Variants in SLC35F3 observed in about 807,000 individuals in gnomAD.
SLC35F3 encodes putative thiamine transporter SLC35F3.
A neutral mutation model predicts 49.9 loss-of-function variants in SLC35F3; 25 were observed. That is an observed-to-expected ratio of 0.50 (90% CI 0.37 to 0.70). SLC35F3 has a LOEUF of 0.70. Ranked by LOEUF, SLC35F3 falls within the 30% of genes least tolerant of loss-of-function variation. The pLI is 0.00. For missense variants in SLC35F3, 525 were observed against 639.8 expected, an observed-to-expected ratio of 0.82 and a Z score of 1.94; for synonymous variants, 275 against 265.4, an observed-to-expected ratio of 1.04 and a Z score of -0.35.
rs879683991 is a variant in SLC35F3, at chr1:233,934,813, T to C, written c.283+29055T>C. ...GGTAGCTCCCTATGCAGATAAACAA[T>C]GTTTCAATGAAAATCTAAGTGGATC... is the stretch of plus-strand genomic sequence containing the variant. On this transcript the variant is annotated intron_variant, in intron 2 of 7. Coordinates refer to ENST00000366618, the MANE Select transcript of SLC35F3 (RefSeq NM_173508.4). Among the ~76,000 whole-genome samples the C allele has an allele frequency of 5.3e-5, 8 of 150,838 alleles. 1 individual carries two copies. Among genetic ancestry groups the C allele is most frequent in the Non-Finnish European group, 7.4e-5 (5 of 67,648 alleles).
chr1:233,975,742 T>C (rs768596739), intron 2 of SLC35F3, among the ~76,000 whole-genome samples: 5 of 151,998 alleles, frequency 3.3e-5, no homozygotes, highest in Non-Finnish European at 7.4e-5. Flanking sequence ...GCACCCAGAG[T>C]GGCCACGGGA....
intron 2 of SLC35F3, among the ~76,000 whole-genome samples, chr1:234,195,722 C>T (rs781618257): frequency 6.6e-6 from 1 of 152,194 alleles, no homozygotes; most frequent in African/African-American, 2.4e-5. Flanking sequence ...TCACCCAAAT[C>T]TCGTCTTGAA....
At chr1:234,017,762 G>T (rs1045635905) in intron 2 of SLC35F3, among the ~76,000 whole-genome samples, 3 of 143,822 alleles carry the variant, frequency 2.1e-5, no homozygotes, top group Non-Finnish European at 4.6e-5. Flanking sequence ...TGGTGCAAAA[G>T]TAATTGCTGT....
chr1:234,153,056 G>C (rs1666099220), intron 2 of SLC35F3, among the ~76,000 whole-genome samples: 1 of 152,294 alleles, frequency 6.6e-6, no homozygotes, highest in Middle Eastern at 3.4e-3. Flanking sequence ...AGAAGAGTCT[G>C]TTTAACCTGC....
At chr1:234,064,401 G>T (rs937695045) in intron 2 of SLC35F3, among the ~76,000 whole-genome samples, 6 of 152,066 alleles carry the variant, frequency 3.9e-5, no homozygotes, top group Non-Finnish European at 8.8e-5. Flanking sequence ...ATTTATCAGG[G>T]TTATAGAAAA....
intron 2 of SLC35F3, among the ~76,000 whole-genome samples, chr1:233,988,043 C>T (rs1360029766): frequency 3.3e-5 from 5 of 152,216 alleles, no homozygotes; most frequent in Non-Finnish European, 2.9e-5. Flanking sequence ...GTTTTATATG[C>T]TAGAATATTT....
chr1:234,181,338 G>GA (rs34757532), intron 2 of SLC35F3, among the ~76,000 whole-genome samples: 56 of 97,288 alleles, frequency 5.8e-4, no homozygotes, highest in East Asian at 1.9e-3. Context: ...TCTGTCTCAA[G>GA]AAAAAAAAAA....
chr1:234,211,652 T>G (rs960511728), intron 2 of SLC35F3, among the ~76,000 whole-genome samples: 1 of 152,260 alleles, frequency 6.6e-6, no homozygotes, highest in Non-Finnish European at 1.5e-5. Context: ...TTTGAACAGC[T>G]GTATTTACCC....
At chr1:234,051,671 A>C (rs905931318) in intron 2 of SLC35F3, among the ~76,000 whole-genome samples, 2 of 152,178 alleles carry the variant, frequency 1.3e-5, no homozygotes, top group Non-Finnish European at 2.9e-5. Flanking sequence ...AACTTCCAAC[A>C]CTATGTTGAA....
At chr1:234,169,972 T>C (rs1666374583) in intron 2 of SLC35F3, among the ~76,000 whole-genome samples, 1 of 152,180 alleles carries the variant, frequency 6.6e-6, no homozygotes, top group Non-Finnish European at 1.5e-5. Flanking sequence ...TTTCACCGTG[T>C]TAGCCAGGAT....
chr1:234,261,467 T>C (rs560407317), intron 3 of SLC35F3, among the ~76,000 whole-genome samples: 1 of 152,310 alleles, frequency 6.6e-6, no homozygotes, highest in South Asian at 2.1e-4. Context: ...TAAATGGTAA[T>C]GGTGCTGGTG....
intron 2 of SLC35F3, among the ~76,000 whole-genome samples, chr1:233,999,501 C>T (rs548159651): frequency 2.0e-5 from 3 of 152,268 alleles, no homozygotes; most frequent in South Asian, 2.1e-4. Flanking sequence ...TCTGCTGTTC[C>T]GTGTGGGGAT....
intron 2 of SLC35F3, among the ~76,000 whole-genome samples, chr1:234,082,057 A>G (rs1362303755): frequency 6.6e-6 from 1 of 151,538 alleles, no homozygotes; most frequent in Admixed American, 6.6e-5. Context: ...GCCCAGCCCA[A>G]ATTGGCATCT....
intron 3 of SLC35F3, chr1:234,285,417 G>A (rs548130963): frequency 6.4e-5 from 29 of 451,464 alleles, no homozygotes; most frequent in African/African-American, 4.2e-4. Flanking sequence ...AGAAAATGAC[G>A]TTGAGCTTGT....
chr1:234,199,055 CAAA>C (rs58267652), intron 2 of SLC35F3, among the ~76,000 whole-genome samples: 5 of 137,736 alleles, frequency 3.6e-5, no homozygotes, highest in Admixed American at 7.3e-5. Flanking sequence ...CTTATTTCTA[CAAA>C]AAAAAAAAAA....
At chr1:233,930,182 GA>G (rs1349121004) in intron 2 of SLC35F3, among the ~76,000 whole-genome samples, 2 of 151,598 alleles carry the variant, frequency 1.3e-5, no homozygotes, top group African/African-American at 4.8e-5. Flanking sequence ...GAGAGAGAGA[GA>G]AAAACTTTGA....
rs191367766 is a variant in SLC35F3 at position 234,318,062 on chromosome 1, T to C, written c.955-689T>C. Among the ~76,000 whole-genome samples, 484 of 152,258 alleles carry C rather than the reference T, an allele frequency of 3.2e-3. 2 individuals are homozygous for C. Among genetic ancestry groups the C allele is most frequent in the Non-Finnish European group, 4.5e-3 (303 of 68,020 alleles). On this transcript the variant is annotated intron_variant, in intron 5 of 7. Coordinates refer to ENST00000366618, the MANE Select transcript of SLC35F3 (RefSeq NM_173508.4). ...TGAACCAAGGAGAAAGCAGGAAAAG[T>C]AAGAGAGACAACAATGCAGAGACTC...
At chr1:234,152,999 T>C (rs1344804414) in intron 2 of SLC35F3, among the ~76,000 whole-genome samples, 1 of 152,348 alleles carries the variant, frequency 6.6e-6, no homozygotes, top group Non-Finnish European at 1.5e-5. Context: ...CTTTTTTTCA[T>C]ATGTATGTTG....
Position 234,214,459 on chromosome 1 carries a change from G to T in SLC35F3, c.284-16958G>T. 6.6e-7 allele frequency: 1 copy of T among 1,515,062 alleles called. No homozygotes were observed. Among genetic ancestry groups the T allele is most frequent in the Non-Finnish European group, 8.8e-7 (1 of 1,131,844 alleles). The allele number at this position is 1,515,062 out of a possible 1,614,324, so 93.9% of individuals were successfully genotyped here. A position where few individuals can be genotyped will look rare whatever the true frequency, so the allele number is the denominator to read the frequency against. On this transcript the variant is annotated intron_variant, in intron 2 of 7. Coordinates refer to ENST00000366618, the MANE Select transcript of SLC35F3 (RefSeq NM_173508.4). This position sits in a 1 kb window ranked among gnomAD's most constrained non-coding sequence, Gnocchi z 8.0. ...GCGCTCCAGCCGGCCCCAGGATGTA[G>T]GCGATCGGCGGCAGCGCTCCTGCAG...
Sources: allele counts gnomAD v4.1 joint callset (sites outside exome capture counted in the v4.1 genomes callset), GRCh38; gene constraint gnomAD v4.1.1; non-coding constraint Gnocchi (gnomAD v3.1); transcripts MANE v1.5; gene names NCBI Gene and HGNC (gene_info 2026-07-23, HGNC 2026-07-21).